Variants in ZDHHC11B observed in about 807,000 individuals in gnomAD.
ZDHHC11B encodes probable palmitoyltransferase ZDHHC11B.
Under a neutral mutation model 42.3 loss-of-function variants are expected in ZDHHC11B, and 17 were observed. The ratio of observed to expected loss-of-function variants is 0.40; its 90% confidence interval spans 0.27 to 0.60. ZDHHC11B has a LOEUF of 0.60. Among genes scored for constraint, ZDHHC11B ranks in the 20% least tolerant of loss-of-function variants. The pLI, the probability that ZDHHC11B is intolerant of heterozygous loss-of-function variation, is 0.41. For synonymous variants in ZDHHC11B, 123 were observed against 193.5 expected, an observed-to-expected ratio of 0.64 and a Z score of 3.02; for missense variants, 262 against 463.2, an observed-to-expected ratio of 0.57 and a Z score of 3.99.
chr5:749,065 C>T (rs1745251691), intron 7 of ZDHHC11B, among the ~76,000 whole-genome samples: 1 of 117,724 alleles, frequency 8.5e-6, no homozygotes, highest in South Asian at 4.2e-4. Context: ...CAGTGCCCAC[C>T]CCTTCCTCAT....
At chr5:714,354 G>C (rs1354732288) in intron 13 of ZDHHC11B, among the ~76,000 whole-genome samples, 1 of 144,344 alleles carries the variant, frequency 6.9e-6, no homozygotes, top group Non-Finnish European at 1.5e-5. Flanking sequence ...AGAGATAGGA[G>C]TGACTGACTC....
chr5:750,293 C>A (rs528926099), intron 7 of ZDHHC11B, among the ~76,000 whole-genome samples: 3 of 130,004 alleles, frequency 2.3e-5, no homozygotes, highest in Admixed American at 1.6e-4. Context: ...GCTCTGACGT[C>A]CAGCTGCAGG....
chr5:719,188 AGAG>A (rs1445429851), intron 12 of ZDHHC11B, among the ~76,000 whole-genome samples: 1 of 151,804 alleles, frequency 6.6e-6, no homozygotes, highest in African/African-American at 2.4e-5. Context: ...CCACAGTCCC[AGAG>A]GAGGAGAAGC....
At chr5:762,742 T>C (rs1223847163) in intron 4 of ZDHHC11B, among the ~76,000 whole-genome samples, 1 of 151,712 alleles carries the variant, frequency 6.6e-6, no homozygotes, top group Non-Finnish European at 1.5e-5. Context: ...AGTTTCCGTC[T>C]TAAGATGATA....
chr5:766,147 G>A (rs762582333), intron 4 of ZDHHC11B, among the ~76,000 whole-genome samples: 4 of 151,820 alleles, frequency 2.6e-5, no homozygotes, highest in South Asian at 2.1e-4. Flanking sequence ...TGGGAGATGC[G>A]AGCAGACACA....
chr5:728,662 C>T (rs1366756263), intron 12 of ZDHHC11B, among the ~76,000 whole-genome samples: 1 of 152,008 alleles, frequency 6.6e-6, no homozygotes. Flanking sequence ...CAAACTGATA[C>T]AATCAGCATG....
intron 12 of ZDHHC11B, among the ~76,000 whole-genome samples, chr5:724,722 T>G (rs1264886170): frequency 6.6e-6 from 1 of 150,968 alleles, no homozygotes; most frequent in Non-Finnish European, 1.5e-5. Flanking sequence ...ATTCCCCACC[T>G]GTCTCCTATA....
rs1244025717 is a variant in ZDHHC11B at position 733,781 on chromosome 5, C to T, written c.994G>A (p.Val332Ile). The change falls in exon 11 of 14, where the codon GTA becomes ATA. Residue 332 changes from valine (V) to isoleucine (I), a missense_variant. By Grantham distance (29) the Val-to-Ile change is conservative (BLOSUM62 3). Transcript: ENST00000508859. ...GCCTTCGAATCCCCGTCCTGGTTTACTGAAGTGCAGAAGTGACATGGGCAT... is the reference window on the plus strand; with the variant it reads ...GCCTTCGAATCCCCGTCCTGGTTTATTGAAGTGCAGAAGTGACATGGGCAT... ...YKCPCHFCTS[V>I]NQDGDSKAQE... is the part of the protein sequence containing the mutation. 2.5e-6 allele frequency: 4 copies of T among 1,611,532 alleles called. No individual in the cohort carries two copies. Among genetic ancestry groups the T allele is most frequent in the Non-Finnish European group, 2.5e-6 (3 of 1,179,428 alleles).
In ZDHHC11B at chr5:729,740, A is replaced by G. The variant is rs1167071051; in HGVS notation, c.1058+694T>C. 5.0e-4 allele frequency among the ~76,000 whole-genome samples: 76 copies of G among 151,920 alleles called. 2 individuals carry two copies. The highest frequency in any genetic ancestry group is 1.7e-3 in the African/African-American group (71 of 41,356). On this transcript the variant is annotated intron_variant, in intron 12 of 13. Coordinates refer to ENST00000508859, the MANE Select transcript of ZDHHC11B (RefSeq NM_001351303.2). ...TGTATAAAGCTGCTTTTCAAAATATAAAGTTAATATATGTTCATTTTATGG... is the reference window on the plus strand; with the variant it reads ...TGTATAAAGCTGCTTTTCAAAATATGAAGTTAATATATGTTCATTTTATGG...
At chr5:765,870 A>T (rs1162902680) in intron 4 of ZDHHC11B, among the ~76,000 whole-genome samples, 1 of 151,940 alleles carries the variant, frequency 6.6e-6, no homozygotes, top group Non-Finnish European at 1.5e-5. Context: ...TCATTCTTGA[A>T]GTTGGTGAGA....
chr5:728,848 C>T (rs1742788503), intron 12 of ZDHHC11B, among the ~76,000 whole-genome samples: 1 of 151,704 alleles, frequency 6.6e-6, no homozygotes, highest in African/African-American at 2.4e-5. Context: ...ATGGTGACAC[C>T]CCATCTCTAC....
chr5:759,042 C>T (rs1452411727), intron 4 of ZDHHC11B, among the ~76,000 whole-genome samples: 20 of 151,858 alleles, frequency 1.3e-4, no homozygotes, highest in African/African-American at 3.9e-4. Context: ...TCTACTTTCA[C>T]GTTTAATTTT....
intron 12 of ZDHHC11B, among the ~76,000 whole-genome samples, chr5:721,153 CATTA>C (rs1367541316): frequency 6.6e-6 from 1 of 151,290 alleles, no homozygotes; most frequent in East Asian, 1.9e-4. Flanking sequence ...ACATTTAAGA[CATTA>C]ATTATTATCC....
chr5:760,323 TA>T (rs1203804701), intron 4 of ZDHHC11B, among the ~76,000 whole-genome samples: 1 of 151,652 alleles, frequency 6.6e-6, no homozygotes, highest in Non-Finnish European at 1.5e-5. Flanking sequence ...TCTTTTCGGG[TA>T]GGCCCTACTC....
intron 1 of ZDHHC11B, among the ~76,000 whole-genome samples, chr5:775,910 C>T (rs539312596): frequency 1.4e-5 from 2 of 147,090 alleles, no homozygotes; most frequent in East Asian, 4.0e-4. Context: ...AGGCATCTCT[C>T]AGCTGGTGAC....
At chr5:730,090 T>G (rs1438109075) in intron 12 of ZDHHC11B, among the ~76,000 whole-genome samples, 9 of 151,704 alleles carry the variant, frequency 5.9e-5, no homozygotes, top group Admixed American at 1.3e-4. Flanking sequence ...GTATTTAGAG[T>G]TGAAATGACA....
In ZDHHC11B at chr5:777,910, C is replaced by T. The variant is rs1217460930; in HGVS notation, c.-230+6758G>A. Among the ~76,000 whole-genome samples, 640 of 150,786 alleles carry T rather than the reference C, an allele frequency of 4.2e-3. 10 individuals carry two copies. Among genetic ancestry groups the T allele is most frequent in the African/African-American group, 0.014 (594 of 41,124 alleles). On this transcript the variant is annotated intron_variant, in intron 1 of 13. Coordinates refer to ENST00000508859, the MANE Select transcript of ZDHHC11B (RefSeq NM_001351303.2). The stretch of plus-strand genomic sequence containing the variant: ...GCCCCAGCACCGAGGGAGCCCGGGG[C>T]GGGGGAGGGGGGGCGTGGCCTCGGC...
chr5:742,320 T>G (rs10549152), intron 9 of ZDHHC11B, among the ~76,000 whole-genome samples: 48,179 of 142,664 alleles, frequency 0.34, 8,273 homozygotes, highest in South Asian at 0.52. Context: ...TCTGTTTGTT[T>G]ATGTTTTTGT....
At chr5:720,464 T>A (rs1324640897) in intron 12 of ZDHHC11B, among the ~76,000 whole-genome samples, 1 of 151,738 alleles carries the variant, frequency 6.6e-6, no homozygotes. Flanking sequence ...ACTAAGACAT[T>A]CTCAGATAGA....
Sources: gnomAD v4.1 joint callset for allele counts (sites outside exome capture counted in the v4.1 genomes callset) on GRCh38, gnomAD v4.1.1 for gene constraint, MANE v1.5 for transcripts, NCBI Gene and HGNC (gene_info 2026-07-23, HGNC 2026-07-21) for gene names.